The following PIK3CD variants were observed in gnomAD, a reference collection of about 807,000 sequenced individuals.
PIK3CD encodes the protein phosphatidylinositol 4,5-bisphosphate 3-kinase catalytic subunit delta isoform.
In PIK3CD, 20 loss-of-function variants were observed where a neutral mutation model predicts 122.9. The ratio of observed to expected loss-of-function variants is 0.16; its 90% CI spans 0.11 to 0.24. PIK3CD has a LOEUF of 0.24. Ranked by LOEUF, PIK3CD falls within the 10% of genes least tolerant of loss-of-function variation. The pLI, the probability that PIK3CD is intolerant of heterozygous loss-of-function variation, is 1.00. For missense variants in PIK3CD, 787 were observed against 1,406.3 expected (o/e 0.56, Z 7.04); for synonymous variants, 596 against 593.4 (o/e 1.00, Z -0.06).
At chr1:9,654,308 C>G (rs768170088) in intron 1 of PIK3CD, 1 of 1,367,772 alleles carries the variant, frequency 7.3e-7, no homozygotes, top group South Asian at 1.1e-5. Context: ...TCAGTCCACG[C>G]CGCCAGGTCT....
chr1:9,681,476 G>A (rs547393878), intron 1 of PIK3CD, among the ~76,000 whole-genome samples: 101 of 152,226 alleles, frequency 6.6e-4, no homozygotes, highest in African/African-American at 2.1e-3. Context: ...GTGCAGTGGC[G>A]CAATCTCGGC....
upstream of PIK3CD, among the ~76,000 whole-genome samples, chr1:9,650,735 T>A (rs1468613360): frequency 2.0e-5 from 3 of 151,332 alleles, no homozygotes; most frequent in African/African-American, 7.3e-5. Flanking sequence ...GGAGAGAGGG[T>A]AAGGTGAATG....
intron 2 of PIK3CD, among the ~76,000 whole-genome samples, chr1:9,699,325 T>C (rs1476713317): frequency 6.6e-6 from 1 of 152,214 alleles, no homozygotes; most frequent in Non-Finnish European, 1.5e-5. Context: ...GTACATGTCC[T>C]GCACACGTCT....
chr1:9,675,113 C>T (rs1185664411), intron 1 of PIK3CD, among the ~76,000 whole-genome samples: 7 of 151,518 alleles, frequency 4.6e-5, no homozygotes, highest in East Asian at 1.9e-4. Flanking sequence ...AGGCCGGGCG[C>T]GGTGGCTCAC....
At chr1:9,683,306 C>T (rs1274444169) in intron 1 of PIK3CD, among the ~76,000 whole-genome samples, 2 of 151,396 alleles carry the variant, frequency 1.3e-5, no homozygotes. Flanking sequence ...GGTGTGGTGG[C>T]GGGAACCTGT....
chr1:9,654,178 A>G (rs771982330), intron 1 of PIK3CD: 73 of 1,351,378 alleles, frequency 5.4e-5, no homozygotes, highest in Non-Finnish European at 7.1e-5. Flanking sequence ...GAAACAGACT[A>G]CATTGGCCAC....
Position 9,710,097 on chromosome 1 carries a change from T to G in PIK3CD, c.-32-327T>G, listed in dbSNP as rs1419937321. 2 of 360,172 alleles carry G rather than the reference T, an allele frequency of 5.6e-6. No individual in the cohort carries two copies. The highest frequency in any genetic ancestry group is 2.3e-5 in the South Asian group (1 of 43,932). The allele number at this position is 360,172 out of a possible 1,614,324, so 22.3% of individuals were successfully genotyped here. ...ACCAGCTGTCCTGCCATCTCCCTTCTGTGCCAGCTGGTGGCCATGACTGGC... is the reference window on the plus strand; with the variant it reads ...ACCAGCTGTCCTGCCATCTCCCTTCGGTGCCAGCTGGTGGCCATGACTGGC... On this transcript the variant is annotated intron_variant, in intron 2 of 23. Transcript: ENST00000377346. The surrounding 1 kb of genome is among the most constrained non-coding windows in gnomAD (Gnocchi z 4.7).
intron 1 of PIK3CD, among the ~76,000 whole-genome samples, chr1:9,682,068 G>T (rs1023834622): frequency 6.6e-6 from 1 of 152,086 alleles, no homozygotes; most frequent in Admixed American, 6.6e-5. Flanking sequence ...GAGTAGCTGG[G>T]ACTACCACCA....
chr1:9,672,358 A>AAAAATGTGG (rs1341535581), intron 1 of PIK3CD: 1 of 152,118 alleles, frequency 6.6e-6, no homozygotes, highest in East Asian at 1.9e-4. Flanking sequence ...AACCAGTTTT[A>AAAAATGTGG]AAAATGTGGA....
In PIK3CD at chr1:9,724,562, G is replaced by A; in HGVS notation, c.2864+141G>A. 3 of 1,112,800 alleles carry A rather than the reference G, an allele frequency of 2.7e-6. No homozygotes were observed. Among genetic ancestry groups the A allele is most frequent in the Non-Finnish European group, 4.0e-6 (3 of 751,340 alleles). The allele number at this position is 1,112,800 out of a possible 1,614,324, so 68.9% of individuals were successfully genotyped here. A position where few individuals can be genotyped will look rare whatever the true frequency, so the allele number is the denominator to read the frequency against. On this transcript the variant is annotated intron_variant, in intron 22 of 23. Transcript: ENST00000377346. The surrounding 1 kb of genome is among the most constrained non-coding windows in gnomAD (Gnocchi z 7.3). ...CTCACCCCAACTGTTGATGGGTTTG[G>A]AACATGCCCCTGCTCCACCCTGCAG...
intron 2 of PIK3CD, among the ~76,000 whole-genome samples, chr1:9,703,278 G>C (rs1646715067): frequency 1.3e-5 from 2 of 152,240 alleles, no homozygotes; most frequent in Non-Finnish European, 2.9e-5. Flanking sequence ...CTGCGCCTAA[G>C]TCTCATTCCC....
At chr1:9,643,416 C>A in the PIK3CD span, among the ~76,000 whole-genome samples, 4 of 113,986 alleles carry the variant, frequency 3.5e-5, no homozygotes, top group African/African-American at 6.8e-5. Flanking sequence ...TGAAGAAAGA[C>A]AGAAAGTGAG....
chr1:9,705,149 A>G (rs904208393), intron 2 of PIK3CD, among the ~76,000 whole-genome samples: 1 of 152,284 alleles, frequency 6.6e-6, no homozygotes, highest in African/African-American at 2.4e-5. Context: ...GCAAAGATTG[A>G]TAATTTGACC....
intron 2 of PIK3CD, among the ~76,000 whole-genome samples, chr1:9,701,869 T>C (rs1017176014): frequency 1.8e-4 from 28 of 152,074 alleles, no homozygotes; most frequent in African/African-American, 6.8e-4. Flanking sequence ...ACCAAAAATC[T>C]GCCTTGGGGT....
rs1371935990 is a variant in PIK3CD at position 9,710,167 on chromosome 1, G to A, written c.-32-257G>A. 9 of 465,634 alleles carry A rather than the reference G, an allele frequency of 1.9e-5. No homozygotes were observed. Among genetic ancestry groups the A allele is most frequent in the Admixed American group, 6.7e-5 (2 of 29,712 alleles). The allele number at this position is 465,634 out of a possible 1,614,324, so 28.8% of individuals were successfully genotyped here. A position where few individuals can be genotyped will look rare whatever the true frequency, so the allele number is the denominator to read the frequency against. ...CCTGAGGAAAGATGATTTGCTGTGC[G>A]TGCTCCTGTGGGGAGGACATGCAGT... On this transcript the variant is annotated intron_variant, in intron 2 of 23. Transcript: ENST00000377346. The surrounding 1 kb of genome is among the most constrained non-coding windows in gnomAD (Gnocchi z 4.7).
rs1263941076 is a variant in PIK3CD, at chr1:9,704,124, C to G, written c.-32-6300C>G. Among the ~76,000 whole-genome samples the G allele has an allele frequency of 6.6e-6, 1 of 152,130 alleles. No homozygotes were observed. The highest frequency in any genetic ancestry group is 1.5e-5 in the Non-Finnish European group (1 of 68,038). On this transcript the variant is annotated intron_variant, in intron 2 of 23. Coordinates refer to ENST00000377346, the MANE Select transcript of PIK3CD (RefSeq NM_005026.5). The surrounding 1 kb of genome is among the most constrained non-coding windows in gnomAD (Gnocchi z 5.0). ...GTTCTTAGCCCAGAGAGACGGAAGG[C>G]ACTTCCACTTTCTCCTGTCCTGTCT...
chr1:9,653,669 G>T, intron 1 of PIK3CD: 1 of 555,546 alleles, frequency 1.8e-6, no homozygotes, highest in Non-Finnish European at 3.0e-6. Context: ...AGGTTCTTTT[G>T]GTTGATGAGG....
At chr1:9,725,790 T>C (rs1192238559) in intron 23 of PIK3CD, among the ~76,000 whole-genome samples, 1 of 151,504 alleles carries the variant, frequency 6.6e-6, no homozygotes, top group Non-Finnish European at 1.5e-5. Context: ...GGCAGAAGAA[T>C]CACTTGAACC....
At chr1:9,671,271 G>C (rs568435402) in intron 1 of PIK3CD, among the ~76,000 whole-genome samples, 1 of 152,192 alleles carries the variant, frequency 6.6e-6, no homozygotes, top group South Asian at 2.1e-4. Context: ...CGCTCATTTT[G>C]TATTTCAATG....
Sources: allele counts gnomAD v4.1 joint callset (sites outside exome capture counted in the v4.1 genomes callset), GRCh38; gene constraint gnomAD v4.1.1; non-coding constraint Gnocchi (gnomAD v3.1); transcripts MANE v1.5; gene names NCBI Gene and HGNC (gene_info 2026-07-23, HGNC 2026-07-21).